Variants in C1orf94 observed in about 807,000 individuals in gnomAD.
C1orf94 encodes uncharacterized protein C1orf94.
A neutral mutation model predicts 53.6 loss-of-function variants in C1orf94; 45 were observed. That is an observed-to-expected ratio of 0.84 (90% CI 0.66 to 1.08). C1orf94 has a LOEUF of 1.08. C1orf94 is among the 50% of genes least tolerant of loss of function. The pLI is 0.00. For missense variants in C1orf94, 762 were observed against 738.9 expected, an observed-to-expected ratio of 1.03 and a Z score of -0.36; for synonymous variants, 304 against 296.1, an observed-to-expected ratio of 1.03 and a Z score of -0.27.
At chr1:34,212,536 C>T in intron 6 of C1orf94, 130 bp downstream of exon 6, 1 of 952,230 alleles carries the variant, frequency 1.1e-6, no homozygotes, top group African/African-American at 1.7e-5. Context: ...GGGCCCTGTA[C>T]CTGTGGCTGG....
rs1043794227 is a variant in C1orf94, at chr1:34,218,788, T to G, written c.*27T>G. On this transcript the variant is annotated 3_prime_UTR_variant, in exon 7 of 7. Coordinates refer to ENST00000488417, the MANE Select transcript of C1orf94 (RefSeq NM_001134734.2). ...TCTCCTCTTCTCCCTTCTCCTCCCT[T>G]AGCCCTTGGATCAGGACTAGGGGCT... The G allele has an allele frequency of 6.3e-7, 1 of 1,595,336 alleles. No homozygotes were observed. The highest frequency in any genetic ancestry group is 1.7e-5 in the Admixed American group (1 of 59,788).
chr1:34,193,466 A>G (rs769844193), intron 1 of C1orf94, among the ~76,000 whole-genome samples: 22 of 152,210 alleles, frequency 1.4e-4, no homozygotes, highest in Non-Finnish European at 2.5e-4. Context: ...GGACGAAACC[A>G]GCAATATTCC....
intron 4 of C1orf94, among the ~76,000 whole-genome samples, chr1:34,204,406 G>T (rs1171951768): frequency 4.6e-5 from 7 of 152,160 alleles, no homozygotes; most frequent in African/African-American, 1.7e-4. Flanking sequence ...CCATTGTGGA[G>T]GTGAGAGGTT....
intron 5 of C1orf94, among the ~76,000 whole-genome samples, chr1:34,209,169 A>G (rs2148621903): frequency 6.6e-6 from 1 of 152,214 alleles, no homozygotes; most frequent in Admixed American, 6.5e-5. Flanking sequence ...CTGTGGGACA[A>G]TAATTGAGGT....
chr1:34,188,492 T>C (rs1207737358), intron 1 of C1orf94, among the ~76,000 whole-genome samples: 4 of 152,162 alleles, frequency 2.6e-5, no homozygotes, highest in Non-Finnish European at 5.9e-5. Context: ...CCATCCCCAC[T>C]TTGCAGATGA....
rs758352765 is a variant in C1orf94 at position 34,197,785 on chromosome 1, C to T, written c.881C>T (p.Pro294Leu). The T allele has an allele frequency of 6.2e-7, 1 of 1,614,216 alleles. No homozygotes were observed. Among genetic ancestry groups the T allele is most frequent in the Non-Finnish European group, 8.5e-7 (1 of 1,180,050 alleles). Reference sequence around the variant, plus strand: ...CTGAGCCCATTTCTGCTGCTGCCTCCCCGACCTCCTCCTGCACGTCCTGAC... The same window carrying T: ...CTGAGCCCATTTCTGCTGCTGCCTCTCCGACCTCCTCCTGCACGTCCTGAC... ...TGLSPFLLLP[P>L]RPPPARPDKL... The change falls in exon 2 of 7, where the codon CCC becomes CTC. Residue 294 changes from proline (P) to leucine (L), a missense_variant. Physicochemically the swap from Pro to Leu is moderately conservative, Grantham distance 98 (BLOSUM62 -3). Coordinates refer to ENST00000488417, the MANE Select transcript of C1orf94 (RefSeq NM_001134734.2). The surrounding 1 kb of genome is among the most constrained non-coding windows in gnomAD (Gnocchi z 4.1).
intron 1 of C1orf94, among the ~76,000 whole-genome samples, chr1:34,184,770 A>G (rs933813042): frequency 6.6e-5 from 10 of 152,182 alleles, no homozygotes; most frequent in Admixed American, 2.0e-4. Flanking sequence ...TATTTAAACA[A>G]TTAGGTGAAC....
intron 6 of C1orf94, among the ~76,000 whole-genome samples, chr1:34,213,384 T>G (rs1642928002): frequency 6.6e-6 from 1 of 152,218 alleles, no homozygotes; most frequent in South Asian, 2.1e-4. Flanking sequence ...TAGTCAGATC[T>G]GTTTGGGAAA....
chr1:34,213,477 T>C (rs1642930436), intron 6 of C1orf94, among the ~76,000 whole-genome samples: 1 of 152,204 alleles, frequency 6.6e-6, no homozygotes, highest in Admixed American at 6.5e-5. Context: ...ACGGAGAATG[T>C]TCAAGAAGGT....
In C1orf94 at chr1:34,188,674, C is replaced by T. The variant is rs557475663; in HGVS notation, c.321-8551C>T. ...TTGCATAGCGCTCGTTACAATTTAC[C>T]GAGTGCTTTCACATTCATCATCTCA... On this transcript the variant is annotated intron_variant, in intron 1 of 6. Transcript: ENST00000488417. 3.7e-4 allele frequency among the ~76,000 whole-genome samples: 57 copies of T among 152,290 alleles called. No individual in the cohort carries two copies. In the South Asian group the frequency reaches 5.2e-3, roughly 14 times the overall value.
At chr1:34,194,079 T>A (rs923173235) in intron 1 of C1orf94, among the ~76,000 whole-genome samples, 1 of 152,066 alleles carries the variant, frequency 6.6e-6, no homozygotes, top group African/African-American at 2.4e-5. Flanking sequence ...AAGGCTGCAG[T>A]GTGGGAATGA....
At position 34,212,201 on chromosome 1, in the gene C1orf94, G is replaced by T; in HGVS notation, c.1525-9G>T. The T allele has an allele frequency of 6.2e-7, 1 of 1,603,226 alleles. No homozygotes were observed. Among genetic ancestry groups the T allele is most frequent in the Non-Finnish European group, 8.5e-7 (1 of 1,174,264 alleles). On this transcript the variant is annotated splice_polypyrimidine_tract_variant and intron_variant, in intron 5 of 6. Coordinates refer to ENST00000488417, the MANE Select transcript of C1orf94 (RefSeq NM_001134734.2). ...GTGACCTCACCCCTCTCTTCTCTGT[G>T]ATGTGCAGGTGATGCCATACAACCC... is the stretch of plus-strand genomic sequence containing the variant.
chr1:34,205,520 G>A (rs969793319), intron 4 of C1orf94, among the ~76,000 whole-genome samples: 1 of 152,194 alleles, frequency 6.6e-6, no homozygotes, highest in Non-Finnish European at 1.5e-5. Context: ...TGTGAAATGG[G>A]TTCATAATAA....
intron 1 of C1orf94, among the ~76,000 whole-genome samples, chr1:34,192,301 G>T (rs183511470): frequency 6.6e-6 from 1 of 152,298 alleles, no homozygotes; most frequent in East Asian, 1.9e-4. Flanking sequence ...TCTGTGTGGG[G>T]TCTGCCATGG....
rs1414344621 is a variant in C1orf94 at position 34,188,254 on chromosome 1, ACTGT to A, written c.321-8967_321-8964del. 2.6e-5 allele frequency among the ~76,000 whole-genome samples: 4 copies of A among 152,252 alleles called. 1 individual carries two copies. On this transcript the variant is annotated intron_variant, in intron 1 of 6. Coordinates refer to ENST00000488417, the MANE Select transcript of C1orf94 (RefSeq NM_001134734.2). ...GACAAAACCTTAGGCTTAAAAGATA[ACTGT>A]CTGGTACATCTTTGAGAAGGAGGTG...
At chr1:34,214,304 A>G (rs960020787) in intron 6 of C1orf94, among the ~76,000 whole-genome samples, 7 of 152,172 alleles carry the variant, frequency 4.6e-5, no homozygotes, top group African/African-American at 1.7e-4. Context: ...TTTGTCTCTG[A>G]AAAAGGTGGA....
In C1orf94 at chr1:34,208,064, A is replaced by T. The variant is rs376512615; in HGVS notation, c.1447-93A>T. ...GTCTGGTCAGCAATGTGATGGGACA[A>T]ACTCAGTCCTGTCTGGGAACTGAGC... On this transcript the variant is annotated intron_variant, in intron 4 of 6. Coordinates refer to ENST00000488417, the MANE Select transcript of C1orf94 (RefSeq NM_001134734.2). 96 of 1,281,170 alleles carry T rather than the reference A, an allele frequency of 7.5e-5. No individual in the cohort carries two copies. In the African/African-American group the frequency reaches 1.1e-3, roughly 14 times the overall value. 79.4% of individuals were successfully genotyped at this position (1,281,170 alleles called of 1,614,324 possible).
chr1:34,198,108 AG>A (rs1359605021), intron 2 of C1orf94, among the ~76,000 whole-genome samples, 195 bp downstream of exon 2: 1 of 152,264 alleles, frequency 6.6e-6, no homozygotes, highest in African/African-American at 2.4e-5. Flanking sequence ...TCCCCTGTGC[AG>A]GGCACAGCTT....
At chr1:34,200,698 T>G (rs1333939089) in intron 2 of C1orf94, 74 bp from the exon 3 acceptor site, 5 of 1,578,040 alleles carry the variant, frequency 3.2e-6, no homozygotes, top group Admixed American at 3.6e-5. Flanking sequence ...CATCATTTAG[T>G]CCACAAAAAG....
Sources: gnomAD v4.1 joint callset for allele counts (sites outside exome capture counted in the v4.1 genomes callset) on GRCh38, gnomAD v4.1.1 for gene constraint, Gnocchi (gnomAD v3.1) non-coding constraint, MANE v1.5 for transcripts, NCBI Gene and HGNC (gene_info 2026-07-23, HGNC 2026-07-21) for gene names.